Variants in MARK2 observed in about 807,000 individuals in gnomAD.
MARK2 encodes microtubule affinity regulating kinase 2, also known as serine/threonine-protein kinase MARK2.
In MARK2, 16 loss-of-function variants were observed where a neutral mutation model predicts 89.8. That is an observed-to-expected ratio of 0.18 (90% confidence interval 0.12 to 0.27). The LOEUF is 0.27. MARK2 is among the 10% of genes least tolerant of loss of function. MARK2 has a pLI of 1.00. For missense variants in MARK2, 621 were observed against 1,049.9 expected, an observed-to-expected ratio of 0.59 and a Z score of 5.65; for synonymous variants, 382 against 399.5, an observed-to-expected ratio of 0.96 and a Z score of 0.52.
chr11:63,906,927 A>C (rs1352371029), intron 17 of MARK2, among the ~76,000 whole-genome samples: 1 of 149,582 alleles, frequency 6.7e-6, no homozygotes, highest in East Asian at 2.0e-4. Context: ...AAGTGCGGGG[A>C]GCTGGGACAT....
chr11:63,908,174 C>A, intron 17 of MARK2, 86 bp from the exon 18 acceptor site: 1 of 1,306,264 alleles, frequency 7.7e-7, no homozygotes, highest in South Asian at 1.3e-5. Flanking sequence ...GGTGGCACCT[C>A]CCCAGACCCA....
intron 1 of MARK2, among the ~76,000 whole-genome samples, chr11:63,876,049 T>G (rs1373587694): frequency 6.6e-6 from 1 of 152,224 alleles, no homozygotes; most frequent in East Asian, 1.9e-4. Context: ...CCCATACATC[T>G]AGGGCGGGAT....
chr11:63,870,918 C>G (rs1185545267), intron 1 of MARK2, among the ~76,000 whole-genome samples: 1 of 152,060 alleles, frequency 6.6e-6, no homozygotes, highest in Non-Finnish European at 1.5e-5. Context: ...TGGCTGGAAC[C>G]CAGAGTGAGA....
At chr11:63,893,226 C>T (rs965831952) in intron 1 of MARK2, among the ~76,000 whole-genome samples, 9 of 149,826 alleles carry the variant, frequency 6.0e-5, no homozygotes, top group African/African-American at 2.2e-4. Context: ...CCTATGTTGC[C>T]CAGGCTCGTC....
rs978436933 is a variant in MARK2 at position 63,897,142 on chromosome 11, C to T, written c.289-1090C>T. Among the ~76,000 whole-genome samples, 6 of 152,308 alleles carry T rather than the reference C, an allele frequency of 3.9e-5. No homozygotes were observed. In the East Asian group the frequency reaches 1.2e-3, roughly 29 times the overall value. On this transcript the variant is annotated intron_variant, in intron 3 of 18. Coordinates refer to ENST00000402010, the MANE Select transcript of MARK2 (RefSeq NM_001039469.3). ...ACAAGCCCAGAAAACCCCAAGTTCT[C>T]CCAGAAGAATGTCACTTCCATGCCA...
chr11:63,861,071 T>A (rs1937741787), intron 1 of MARK2, among the ~76,000 whole-genome samples: 1 of 152,234 alleles, frequency 6.6e-6, no homozygotes, highest in Non-Finnish European at 1.5e-5. Context: ...GTGGCATGCA[T>A]TTCAGTTCCA....
Position 63,909,284 on chromosome 11 carries a change from C to T in MARK2, c.*47C>T, listed in dbSNP as rs1565154096. 6.7e-7 allele frequency: 1 copy of T among 1,490,574 alleles called. No individual in the cohort carries two copies. Among genetic ancestry groups the T allele is most frequent in the East Asian group, 2.4e-5 (1 of 42,316 alleles). 92.3% of individuals were successfully genotyped at this position (1,490,574 alleles called of 1,614,324 possible). A position where few individuals can be genotyped will look rare whatever the true frequency, so the allele number is the denominator to read the frequency against. ...GGCGGGGGCGGGCCAGCTGGACGGG[C>T]TGCCGGCCGCTGCGCCGCCCCACCT... is the stretch of plus-strand genomic sequence containing the variant. On this transcript the variant is annotated 3_prime_UTR_variant, in exon 19 of 19. Transcript: ENST00000402010.
chr11:63,890,932 C>T (rs541334166), intron 1 of MARK2, among the ~76,000 whole-genome samples: 57 of 152,216 alleles, frequency 3.7e-4, no homozygotes, highest in Non-Finnish European at 4.9e-4. Flanking sequence ...CCTCGGGATC[C>T]TCCCTGGCAC....
chr11:63,871,970 A>G (rs1012310484), intron 1 of MARK2, among the ~76,000 whole-genome samples: 1 of 152,210 alleles, frequency 6.6e-6, no homozygotes, highest in Non-Finnish European at 1.5e-5. Context: ...GGCTGAGGGC[A>G]CTGTGAGGCT....
intron 1 of MARK2, among the ~76,000 whole-genome samples, chr11:63,845,345 G>A (rs1170927362): frequency 6.6e-6 from 1 of 152,166 alleles, no homozygotes; most frequent in African/African-American, 2.4e-5. Context: ...TGGAAAGGGT[G>A]GGTGGAGTTT....
chr11:63,864,860 A>G (rs1938038441), intron 1 of MARK2, among the ~76,000 whole-genome samples: 1 of 152,048 alleles, frequency 6.6e-6, no homozygotes, highest in Non-Finnish European at 1.5e-5. Context: ...TTAAATAAAT[A>G]AATAAGATTT....
At position 63,909,089 on chromosome 11, in the gene MARK2, C is replaced by T. The variant is rs1295350902; in HGVS notation, c.2219C>T (p.Pro740Leu). ...ATGCTGCTGTGCATGCACGGCACGC[C>T]GGGCCACGAGGACTTCGTGCAGTGG... is the stretch of plus-strand genomic sequence containing the variant. ...KYMLLCMHGT[P>L]GHEDFVQWEM... Residue 740 changes from proline to leucine, a missense_variant, in exon 19 of 19, where the codon CCG becomes CTG. By Grantham distance (98) the Pro-to-Leu change is moderately conservative (BLOSUM62 -3). Around this residue, in one of 5 missense-constraint regions of MARK2, gnomAD observed 33 missense variants for 74.5 expected, o/e 0.44. Coordinates refer to ENST00000402010, the MANE Select transcript of MARK2 (RefSeq NM_001039469.3). 1.2e-6 allele frequency: 2 copies of T among 1,613,606 alleles called. No homozygotes were observed. The highest frequency in any genetic ancestry group is 1.7e-6 in the Non-Finnish European group (2 of 1,179,682).
intron 17 of MARK2, among the ~76,000 whole-genome samples, chr11:63,906,588 C>T (rs1434894668): frequency 6.6e-6 from 1 of 150,536 alleles, no homozygotes; most frequent in Non-Finnish European, 1.5e-5. Context: ...TCCAGGGTTA[C>T]AAGTGCATCT....
intron 17 of MARK2, among the ~76,000 whole-genome samples, chr11:63,907,718 G>A (rs917778322): frequency 6.6e-6 from 1 of 152,216 alleles, no homozygotes; most frequent in African/African-American, 2.4e-5. Flanking sequence ...TGCCTACCAT[G>A]CAGACCCAGG....
rs1424022159 is a variant in MARK2 at position 63,904,756 on chromosome 11, T to C, written c.1677-30T>C. 6.2e-7 allele frequency: 1 copy of C among 1,603,298 alleles called. No homozygotes were observed. Among genetic ancestry groups the C allele is most frequent in the Non-Finnish European group, 8.5e-7 (1 of 1,171,842 alleles). On this transcript the variant is annotated intron_variant, in intron 15 of 18. Transcript: ENST00000402010. The surrounding 1 kb of genome is among the most constrained non-coding windows in gnomAD (Gnocchi z 6.3). ...GATGGCTGTCCTGTACCCTAATTCG[T>C]CCCCCTCAACCCCACTTCTCTTCCC...
intron 1 of MARK2, among the ~76,000 whole-genome samples, chr11:63,851,226 G>A (rs992524553): frequency 7.2e-5 from 11 of 152,160 alleles, no homozygotes; most frequent in Admixed American, 1.3e-4. Context: ...CATTTCTGGA[G>A]CCTGCATGCC....
intron 3 of MARK2, 124 bp from the exon 4 acceptor site, chr11:63,898,108 C>T: frequency 1.3e-6 from 1 of 768,556 alleles, no homozygotes; most frequent in Admixed American, 2.1e-5. Flanking sequence ...TAGACAACCA[C>T]CCTATTTTCT....
At chr11:63,901,887 A>G (rs1940922079) in intron 11 of MARK2, among the ~76,000 whole-genome samples, 1 of 151,952 alleles carries the variant, frequency 6.6e-6, no homozygotes, top group Admixed American at 6.6e-5. Context: ...GACACTTGGT[A>G]TAGGCCCATA....
chr11:63,896,256 G>A (rs1053357879), intron 3 of MARK2, among the ~76,000 whole-genome samples: 2 of 152,178 alleles, frequency 1.3e-5, no homozygotes, highest in African/African-American at 4.8e-5. Flanking sequence ...TTATCTTCTG[G>A]CTTGTGGCCA....
Sources: allele counts gnomAD v4.1 joint callset (sites outside exome capture counted in the v4.1 genomes callset), GRCh38; gene constraint gnomAD v4.1.1; regional missense constraint gnomAD v4.1.1; non-coding constraint Gnocchi (gnomAD v3.1); transcripts MANE v1.5; gene names NCBI Gene and HGNC (gene_info 2026-07-23, HGNC 2026-07-21).